The following KCTD16 variants were observed in gnomAD, a reference collection of about 807,000 sequenced individuals.
The protein encoded by KCTD16 is potassium channel tetramerization domain containing 16, also known as BTB/POZ domain-containing protein KCTD16.
In KCTD16, 13 loss-of-function variants were observed where a neutral mutation model predicts 33.2. That is an observed-to-expected ratio of 0.39 (90% CI 0.25 to 0.62). KCTD16 has a LOEUF of 0.62. Ranked by LOEUF, KCTD16 falls within the 20% of genes least tolerant of loss-of-function variation. KCTD16 has a pLI of 0.50. For missense variants in KCTD16, 441 were observed against 525.1 expected (o/e 0.84, Z 1.57); for synonymous variants, 197 against 195.3 (o/e 1.01, Z -0.07).
At chr5:144,460,532 C>T (rs1473272320) in intron 3 of KCTD16, among the ~76,000 whole-genome samples, 2 of 152,212 alleles carry the variant, frequency 1.3e-5, no homozygotes, top group African/African-American at 4.8e-5. Context: ...GCCTCTGCCT[C>T]CTGAGTTCAG....
Position 144,360,462 on chromosome 5 carries a change from C to T in KCTD16, c.833-113198C>T, listed in dbSNP as rs545364908. Among the ~76,000 whole-genome samples the T allele has an allele frequency of 9.3e-5, 14 of 150,818 alleles. No homozygotes were observed. The East Asian group carries it at 1.4e-3, about 15-fold the overall frequency. On this transcript the variant is annotated intron_variant, in intron 3 of 3. Transcript: ENST00000512467. The stretch of plus-strand genomic sequence containing the variant: ...TTTTTTTTTTTTTGAGATGGAATCT[C>T]GCTCTGTTGCCCAGGCTGGAGTGCA...
chr5:144,348,328 CAT>C (rs1267350634), intron 3 of KCTD16, among the ~76,000 whole-genome samples: 1 of 136,352 alleles, frequency 7.3e-6, no homozygotes, highest in Non-Finnish European at 1.6e-5. Context: ...TTATCTCTAT[CAT>C]AGTTATTATC....
At chr5:144,242,736 T>C (rs749993882) in intron 3 of KCTD16, among the ~76,000 whole-genome samples, 3 of 152,090 alleles carry the variant, frequency 2.0e-5, no homozygotes, top group Non-Finnish European at 4.4e-5. Flanking sequence ...TGTGTAGAGA[T>C]TGCATGGTCA....
rs1399038848 is a variant in KCTD16, at chr5:144,233,723, A to G, written c.832+26177A>G. Among the ~76,000 whole-genome samples the G allele has an allele frequency of 2.0e-5, 3 of 152,252 alleles. No individual in the cohort carries two copies. In the East Asian group the frequency reaches 5.8e-4, roughly 29 times the overall value. On this transcript the variant is annotated intron_variant, in intron 3 of 3. Coordinates refer to ENST00000512467, the MANE Select transcript of KCTD16 (RefSeq NM_020768.4). ...TTTACACCCTTTAGATCATCCGTAAACAGGACAGATATTGAATATAAAAGA... is the reference window on the plus strand; with the variant it reads ...TTTACACCCTTTAGATCATCCGTAAGCAGGACAGATATTGAATATAAAAGA...
At chr5:144,290,295 C>T (rs1030753552) in intron 3 of KCTD16, among the ~76,000 whole-genome samples, 1 of 152,056 alleles carries the variant, frequency 6.6e-6, no homozygotes, top group African/African-American at 2.4e-5. Flanking sequence ...AAGACCCTAT[C>T]TCAAAAACAA....
At chr5:144,331,064 A>G (rs1442509289) in intron 3 of KCTD16, among the ~76,000 whole-genome samples, 2 of 152,368 alleles carry the variant, frequency 1.3e-5, no homozygotes, top group Admixed American at 6.5e-5. Flanking sequence ...GCAAAGAAAG[A>G]GAAAAGCCAT....
chr5:144,195,517 CA>C (rs1178841618), intron 2 of KCTD16, among the ~76,000 whole-genome samples: 1 of 152,174 alleles, frequency 6.6e-6, no homozygotes, highest in Non-Finnish European at 1.5e-5. Context: ...CACTGGCACA[CA>C]AGGAACCACA....
At chr5:144,263,391 A>G (rs13155207) in intron 3 of KCTD16, among the ~76,000 whole-genome samples, 36,549 of 152,094 alleles carry the variant, frequency 0.24, 4,582 homozygotes, top group Non-Finnish European at 0.28. Context: ...TGTGGTGCTA[A>G]ATTACCTTTA....
intron 3 of KCTD16, among the ~76,000 whole-genome samples, chr5:144,347,399 C>A (rs138408320): frequency 1.4e-3 from 215 of 152,034 alleles, no homozygotes; most frequent in African/African-American, 4.9e-3. Flanking sequence ...GTTCGAGACC[C>A]GCCTGGCCAA....
chr5:144,432,030 T>C lies in KCTD16; in HGVS notation c.833-41630T>C, dbSNP rs962389458. Among the ~76,000 whole-genome samples the C allele has an allele frequency of 2.6e-5, 4 of 152,188 alleles. No homozygotes were observed. The East Asian group carries it at 7.7e-4, about 29-fold the overall frequency. On this transcript the variant is annotated intron_variant, in intron 3 of 3. Transcript: ENST00000512467. ...GAAAAGAGCTATGTGTACTCTATAATTCAATAAAAATGAAATAGATGATGT... is the reference window on the plus strand; with the variant it reads ...GAAAAGAGCTATGTGTACTCTATAACTCAATAAAAATGAAATAGATGATGT...
chr5:144,269,107 C>T (rs1755225827), intron 3 of KCTD16, among the ~76,000 whole-genome samples: 1 of 151,966 alleles, frequency 6.6e-6, no homozygotes, highest in Non-Finnish European at 1.5e-5. Flanking sequence ...GGAATATCAT[C>T]AAGCTGGCTG....
In KCTD16 at chr5:144,253,036, A is replaced by G. The variant is rs562006995; in HGVS notation, c.832+45490A>G. Among the ~76,000 whole-genome samples, 3 of 152,134 alleles carry G rather than the reference A, an allele frequency of 2.0e-5. No homozygotes were observed. In the East Asian group the frequency reaches 5.8e-4, roughly 29 times the overall value. ...TGGAGCCATTTCTAATTCTCTTAAT[A>G]AAGTGAGTAGTGTTAAAAATATTAT... On this transcript the variant is annotated intron_variant, in intron 3 of 3. Coordinates refer to ENST00000512467, the MANE Select transcript of KCTD16 (RefSeq NM_020768.4).
chr5:144,419,782 T>C (rs991652216), intron 3 of KCTD16, among the ~76,000 whole-genome samples: 5 of 152,130 alleles, frequency 3.3e-5, no homozygotes, highest in African/African-American at 1.2e-4. Context: ...AAAGTTTTTA[T>C]TTTATCTAAT....
intron 3 of KCTD16, among the ~76,000 whole-genome samples, chr5:144,291,124 G>T (rs931053278): frequency 6.6e-6 from 1 of 152,148 alleles, no homozygotes; most frequent in African/African-American, 2.4e-5. Flanking sequence ...ACGGGAAGGG[G>T]AATGGTGCCC....
intron 3 of KCTD16, among the ~76,000 whole-genome samples, chr5:144,433,159 G>A (rs138845234): frequency 1.3e-5 from 2 of 152,286 alleles, no homozygotes; most frequent in African/African-American, 4.8e-5. Flanking sequence ...AGTAAGTGTA[G>A]GAGGTCAGGA....
At chr5:144,231,590 C>A (rs779831131) in intron 3 of KCTD16, among the ~76,000 whole-genome samples, 1 of 152,086 alleles carries the variant, frequency 6.6e-6, no homozygotes, top group Non-Finnish European at 1.5e-5. Context: ...GCACTCAAAC[C>A]TCACCTTGAA....
intron 3 of KCTD16, among the ~76,000 whole-genome samples, chr5:144,396,977 G>T (rs1752581762): frequency 6.7e-6 from 1 of 149,896 alleles, no homozygotes; most frequent in South Asian, 2.1e-4. Context: ...ACAACATGCA[G>T]GTTTGTTACA....
chr5:144,427,748 T>C (rs913180452), intron 3 of KCTD16, among the ~76,000 whole-genome samples: 1 of 152,068 alleles, frequency 6.6e-6, no homozygotes, highest in African/African-American at 2.4e-5. Context: ...AGAATAACTG[T>C]CTTAGATTAT....
At chr5:144,418,267 G>A (rs772853039) in intron 3 of KCTD16, among the ~76,000 whole-genome samples, 21 of 152,230 alleles carry the variant, frequency 1.4e-4, no homozygotes, top group South Asian at 8.3e-4. Flanking sequence ...AGCGTGGAAG[G>A]AGACCGAGTG....
Sources: gnomAD v4.1 joint callset for allele counts (sites outside exome capture counted in the v4.1 genomes callset) on GRCh38, gnomAD v4.1.1 for gene constraint, MANE v1.5 for transcripts, NCBI Gene and HGNC (gene_info 2026-07-23, HGNC 2026-07-21) for gene names.